The following NFIA variants were observed in gnomAD, a reference collection of about 807,000 sequenced individuals.
NFIA encodes nuclear factor 1 A-type.
NFIA carries 8 observed loss-of-function variants against 62.8 expected under a neutral mutation model. The ratio of observed to expected loss-of-function variants is 0.13; its 90% CI spans 0.07 to 0.23. The LOEUF (loss-of-function observed/expected upper bound fraction) is 0.23. Ranked by LOEUF, NFIA falls within the 10% of genes least tolerant of loss-of-function variation. The probability of loss-of-function intolerance (pLI) is 1.00; values close to 1 mark genes in which losing one functional copy is unlikely to be tolerated. For missense variants in NFIA, 410 were observed against 642.1 expected, an observed-to-expected ratio of 0.64 and a Z score of 3.91; for synonymous variants, 235 against 238.1, an observed-to-expected ratio of 0.99 and a Z score of 0.12.
chr1:61,414,714 G>C (rs1221910147), intron 9 of NFIA, among the ~76,000 whole-genome samples: 1 of 152,034 alleles, frequency 6.6e-6, no homozygotes, highest in Non-Finnish European at 1.5e-5. Flanking sequence ...CTCTGTCAGA[G>C]AAGAAGCAGT....
intron 3 of NFIA, among the ~76,000 whole-genome samples, chr1:61,306,294 T>TTTTTTTTTTTTTTTA (rs748026405): frequency 1.8e-5 from 2 of 109,704 alleles, no homozygotes; most frequent in African/African-American, 7.2e-5. Flanking sequence ...TTTTTTTTTT[T>TTTTTTTTTTTTTTTA]AAGACAGAGT....
At chr1:61,143,175 C>T (rs545745367) in intron 2 of NFIA, among the ~76,000 whole-genome samples, 1 of 152,250 alleles carries the variant, frequency 6.6e-6, no homozygotes, top group South Asian at 2.1e-4. Context: ...ACCTATTAGT[C>T]AGCGTGGCAT....
At position 61,091,300 on chromosome 1, in the gene NFIA, C is replaced by G. The variant is rs189262703; in HGVS notation, c.559+2620C>G. Among the ~76,000 whole-genome samples, 83 of 152,100 alleles carry G rather than the reference C, an allele frequency of 5.5e-4. 1 individual carries two copies. Among genetic ancestry groups the G allele is most frequent in the African/African-American group, 1.9e-3 (80 of 41,470 alleles). ...TTTCTTTGGTAGGAAGTTGAAATCT[C>G]AGAACATACGTGAGAATACTAGAAG... is the stretch of plus-strand genomic sequence containing the variant. On this transcript the variant is annotated intron_variant, in intron 2 of 10. Coordinates refer to ENST00000403491, the MANE Select transcript of NFIA (RefSeq NM_001134673.4).
intron 7 of NFIA, among the ~76,000 whole-genome samples, chr1:61,402,027 A>ATTTTTCT (rs1665581923): frequency 1.1e-5 from 1 of 91,408 alleles, no homozygotes; most frequent in African/African-American, 4.4e-5. Flanking sequence ...AGTTTTACTC[A>ATTTTTCT]TTTTTCTTTT....
chr1:61,098,915 T>A (rs1326203184), intron 2 of NFIA, among the ~76,000 whole-genome samples: 1 of 152,214 alleles, frequency 6.6e-6, no homozygotes, highest in Admixed American at 6.5e-5. Context: ...CACACAGTTC[T>A]ATGTCTGTGT....
chr1:61,265,527 T>A (rs1213452563), intron 2 of NFIA, among the ~76,000 whole-genome samples: 2 of 152,212 alleles, frequency 1.3e-5, no homozygotes, highest in Non-Finnish European at 2.9e-5. Flanking sequence ...GTGGAGCATT[T>A]ATTGGTTACC....
At chr1:61,322,463 A>G (rs1200052456) in intron 3 of NFIA, among the ~76,000 whole-genome samples, 1 of 152,148 alleles carries the variant, frequency 6.6e-6, no homozygotes, top group Admixed American at 6.5e-5. Flanking sequence ...CTGCTCTGCT[A>G]TTCCACGGGT....
chr1:61,323,656 A>G (rs1396954439), intron 3 of NFIA, among the ~76,000 whole-genome samples: 1 of 152,216 alleles, frequency 6.6e-6, no homozygotes, highest in Non-Finnish European at 1.5e-5. Context: ...GGATCAGCAG[A>G]AACATCCCTG....
Position 61,239,677 on chromosome 1 carries a change from C to T in NFIA, c.560-37843C>T, listed in dbSNP as rs149066932. Among the ~76,000 whole-genome samples, 642 of 152,152 alleles carry T rather than the reference C, an allele frequency of 4.2e-3. 3 individuals carry two copies. Among genetic ancestry groups the T allele is most frequent in the African/African-American group, 0.015 (603 of 41,526 alleles). On this transcript the variant is annotated intron_variant, in intron 2 of 10. Transcript: ENST00000403491. The stretch of plus-strand genomic sequence containing the variant: ...GTATAAAATTGTGTTGAAACAGCAT[C>T]TTATAGAGGAGCAAATGCTATGTCT...
intron 8 of NFIA, among the ~76,000 whole-genome samples, chr1:61,405,005 G>C (rs932955965): frequency 6.6e-6 from 1 of 152,140 alleles, no homozygotes; most frequent in Non-Finnish European, 1.5e-5. Context: ...TGTATCTCAA[G>C]GCCAATAATA....
intron 3 of NFIA, among the ~76,000 whole-genome samples, chr1:61,328,983 A>G (rs1231497082): frequency 6.6e-6 from 1 of 151,298 alleles, no homozygotes; most frequent in Non-Finnish European, 1.5e-5. Context: ...TTGGCCTTCC[A>G]AAGTGCTGGG....
rs1356873066 is a variant in NFIA, at chr1:61,383,244, A to G, written c.954A>G (p.Pro318=). Reference sequence around the variant, plus strand: ...GTTGATCCTTCTTGCCAGGAATGCCATCTCCAACCACACTGAAGAAGTCGG... The same window carrying G: ...GTTGATCCTTCTTGCCAGGAATGCCGTCTCCAACCACACTGAAGAAGTCGG... The part of the protein sequence containing the change: ...SGWHEVEPGM[P]SPTTLKKSEK... Residue 318 remains proline (P), a synonymous_variant, in exon 7 of 11, where the codon CCA becomes CCG. Coordinates refer to ENST00000403491, the MANE Select transcript of NFIA (RefSeq NM_001134673.4). 7 of 1,613,862 alleles carry G rather than the reference A, an allele frequency of 4.3e-6. No homozygotes were observed. Among genetic ancestry groups the G allele is most frequent in the Non-Finnish European group, 5.9e-6 (7 of 1,179,894 alleles).
intron 2 of NFIA, among the ~76,000 whole-genome samples, chr1:61,203,388 G>A (rs761351864): frequency 2.0e-5 from 3 of 152,082 alleles, no homozygotes; most frequent in South Asian, 2.1e-4. Flanking sequence ...CGAGTTCCAC[G>A]GGATGGCTCA....
At chr1:61,305,088 CA>C (rs913448694) in intron 3 of NFIA, among the ~76,000 whole-genome samples, 2 of 152,142 alleles carry the variant, frequency 1.3e-5, no homozygotes, top group African/African-American at 4.8e-5. Flanking sequence ...TAAAGTAAGT[CA>C]GGGGCAAAGG....
At chr1:61,254,528 CT>C (rs759403358) in intron 2 of NFIA, among the ~76,000 whole-genome samples, 5 of 152,174 alleles carry the variant, frequency 3.3e-5, no homozygotes, top group Non-Finnish European at 7.3e-5. Flanking sequence ...AACACTCCTT[CT>C]GTTGGATAGG....
intron 10 of NFIA, among the ~76,000 whole-genome samples, chr1:61,434,578 C>T (rs941051846): frequency 1.3e-5 from 2 of 152,166 alleles, no homozygotes; most frequent in African/African-American, 2.4e-5. Context: ...GGACAAAGTT[C>T]GAGCCATTAA....
chr1:61,218,405 G>A (rs552173723), intron 2 of NFIA, among the ~76,000 whole-genome samples: 1 of 152,262 alleles, frequency 6.6e-6, no homozygotes, highest in East Asian at 1.9e-4. Context: ...CAGGGGATTC[G>A]TTCCCAGACA....
intron 2 of NFIA, among the ~76,000 whole-genome samples, chr1:61,215,953 A>C (rs1653594823): frequency 6.6e-6 from 1 of 152,212 alleles, no homozygotes. Flanking sequence ...AAATTCTTGA[A>C]ATGCTTGATG....
At chr1:61,356,758 A>G (rs1018814833) in intron 5 of NFIA, among the ~76,000 whole-genome samples, 23 of 152,224 alleles carry the variant, frequency 1.5e-4, no homozygotes, top group African/African-American at 5.5e-4. Flanking sequence ...CTAAGCTAGC[A>G]TGGCACAGTT....
Sources: gnomAD v4.1 joint callset for allele counts (sites outside exome capture counted in the v4.1 genomes callset) on GRCh38, gnomAD v4.1.1 for gene constraint, MANE v1.5 for transcripts, NCBI Gene and HGNC (gene_info 2026-07-23, HGNC 2026-07-21) for gene names.